Variants in TAF3 observed in about 807,000 individuals in gnomAD.
TAF3 encodes TATA-box binding protein associated factor 3.
Under a neutral mutation model 80.6 loss-of-function variants are expected in TAF3, and 7 were observed. The ratio of observed to expected loss-of-function variants is 0.09; its 90% CI spans 0.05 to 0.16. The LOEUF (loss-of-function observed/expected upper bound fraction) is 0.16, where lower values mean the gene tolerates loss of function less well. Ranked by LOEUF, TAF3 falls within the 10% of genes least tolerant of loss-of-function variation. TAF3 has a pLI of 1.00. For missense variants in TAF3, 921 were observed against 1,140.2 expected (o/e 0.81, Z 2.77); for synonymous variants, 444 against 446.1 (o/e 1.00, Z 0.06).
At chr10:7,879,999 C>G (rs1466721905) in intron 2 of TAF3, among the ~76,000 whole-genome samples, 1 of 152,078 alleles carries the variant, frequency 6.6e-6, no homozygotes, top group Non-Finnish European at 1.5e-5. Context: ...CACTTGAGCC[C>G]AGAAGTTTGA....
At chr10:7,826,330 T>G (rs1836740486) in intron 2 of TAF3, among the ~76,000 whole-genome samples, 1 of 152,208 alleles carries the variant, frequency 6.6e-6, no homozygotes, top group South Asian at 2.1e-4. Context: ...TATTCCATAA[T>G]AAAATTCTCT....
At chr10:7,955,745 T>C (rs1838128923) in intron 2 of TAF3, among the ~76,000 whole-genome samples, 2 of 152,234 alleles carry the variant, frequency 1.3e-5, no homozygotes, top group Non-Finnish European at 2.9e-5. Context: ...TGTCAGACCT[T>C]ATTGCCTTGT....
rs1838111205 is a variant in TAF3, at chr10:7,954,118, G to A, written c.410-9802G>A. ...GTGAGATTTAGAGTGCACTCCATAG[G>A]TGAATGAATGAATTAGTCCCAGTTA... On this transcript the variant is annotated intron_variant, in intron 2 of 6. Coordinates refer to ENST00000344293, the MANE Select transcript of TAF3 (RefSeq NM_031923.4). 2.2e-5 allele frequency among the ~76,000 whole-genome samples: 3 copies of A among 138,008 alleles called. 1 individual carries two copies. Among genetic ancestry groups the A allele is most frequent in the African/African-American group, 7.8e-5 (3 of 38,340 alleles). 90.5% of individuals were successfully genotyped at this position (138,008 alleles called of 152,430 possible).
At chr10:7,991,769 T>C (rs1361620908) in intron 4 of TAF3, among the ~76,000 whole-genome samples, 1 of 152,208 alleles carries the variant, frequency 6.6e-6, no homozygotes, top group African/African-American at 2.4e-5. Context: ...AGCATGGTGA[T>C]TTTGGTGAAG....
chr10:7,894,419 AGTTAG>A (rs1426834628), intron 2 of TAF3, among the ~76,000 whole-genome samples: 1 of 152,206 alleles, frequency 6.6e-6, no homozygotes, highest in Non-Finnish European at 1.5e-5. Flanking sequence ...GGTTTGGAGA[AGTTAG>A]GTCACTGGTG....
At chr10:7,956,846 GGTT>G (rs1392589329) in intron 2 of TAF3, among the ~76,000 whole-genome samples, 3 of 152,120 alleles carry the variant, frequency 2.0e-5, no homozygotes, top group Non-Finnish European at 4.4e-5. Flanking sequence ...GAAAAAATAG[GGTT>G]GTTAAGAGGG....
At chr10:7,954,723 C>G (rs1838118508) in intron 2 of TAF3, among the ~76,000 whole-genome samples, 1 of 139,924 alleles carries the variant, frequency 7.1e-6, no homozygotes, top group South Asian at 2.6e-4. Context: ...AGAGTGCACT[C>G]CATAGGTGAA....
chr10:7,986,637 C>T (rs1274776263), intron 4 of TAF3, among the ~76,000 whole-genome samples: 2 of 152,316 alleles, frequency 1.3e-5, no homozygotes, highest in East Asian at 3.9e-4. Context: ...CTTGGACTCT[C>T]AGCATCTTGT....
At position 8,013,793 on chromosome 10, in the gene TAF3, G is replaced by A. The variant is rs759030330; in HGVS notation, c.2631G>A (p.Gly877=). ...ICPGCNKPDD[G]SPMIGCDDCD... ...CTGGGTGTAACAAGCCTGACGATGG[G>A]AGTCCCATGATTGGGTGTGACGACT... is the stretch of plus-strand genomic sequence containing the variant. Residue 877 remains glycine (G), a synonymous_variant, in exon 6 of 7, where the codon GGG becomes GGA. Coordinates refer to ENST00000344293, the MANE Select transcript of TAF3 (RefSeq NM_031923.4). 3.5e-5 allele frequency: 57 copies of A among 1,614,020 alleles called. No homozygotes were observed. The highest frequency in any genetic ancestry group is 4.7e-5 in the Non-Finnish European group (55 of 1,180,034).
chr10:7,957,442 T>TTTGAGATA (rs1838146685), intron 2 of TAF3, among the ~76,000 whole-genome samples: 2 of 152,168 alleles, frequency 1.3e-5, no homozygotes, highest in Non-Finnish European at 2.9e-5. Flanking sequence ...AAGGTTAACT[T>TTTGAGATA]TCCAAGGCAT....
At position 7,893,591 on chromosome 10, in the gene TAF3, G is replaced by A. The variant is rs532452454; in HGVS notation, c.409+69031G>A. 2.6e-5 allele frequency among the ~76,000 whole-genome samples: 4 copies of A among 152,210 alleles called. No homozygotes were observed. In the East Asian group the frequency reaches 7.7e-4, roughly 29 times the overall value. The stretch of plus-strand genomic sequence containing the variant: ...GCTGTAGCTAGTTGCTCCACCTCAT[G>A]TTTTGTCCCATCTTTTTCACTCCCG... On this transcript the variant is annotated intron_variant, in intron 2 of 6. Coordinates refer to ENST00000344293, the MANE Select transcript of TAF3 (RefSeq NM_031923.4).
At chr10:7,936,225 A>G (rs1837919245) in intron 2 of TAF3, among the ~76,000 whole-genome samples, 1 of 152,176 alleles carries the variant, frequency 6.6e-6, no homozygotes, top group African/African-American at 2.4e-5. Context: ...CACAGTAACA[A>G]TATTTTCCTG....
At chr10:7,944,728 A>G (rs1331592287) in intron 2 of TAF3, among the ~76,000 whole-genome samples, 1 of 152,230 alleles carries the variant, frequency 6.6e-6, no homozygotes, top group East Asian at 1.9e-4. Context: ...CTTCCAGGGT[A>G]TAGAAGAATT....
In TAF3 at chr10:8,009,081, C is replaced by T. The variant is rs1564382920; in HGVS notation, c.2319C>T (p.Val773=). Residue 773 remains valine (V), a synonymous_variant, in exon 5 of 7, where the codon GTC becomes GTT. Coordinates refer to ENST00000344293, the MANE Select transcript of TAF3 (RefSeq NM_031923.4). The surrounding 1 kb of genome is among the most constrained non-coding windows in gnomAD (Gnocchi z 4.1). ...LRVGAGQDKI[V]ISKVVPAPEA... ...CCTTCTCTTCTTTTGTTGACAGTGT[C>T]ATCAGCAAGGTGGTCCCTGCCCCCG... The T allele has an allele frequency of 6.2e-7, 1 of 1,601,512 alleles. No individual in the cohort carries two copies. Among genetic ancestry groups the T allele is most frequent in the Non-Finnish European group, 8.5e-7 (1 of 1,174,788 alleles).
intron 4 of TAF3, among the ~76,000 whole-genome samples, chr10:7,994,355 A>G (rs1490888381): frequency 6.6e-6 from 1 of 152,100 alleles, no homozygotes; most frequent in African/African-American, 2.4e-5. Context: ...AGGAATCATA[A>G]TCTGTCACTA....
intron 2 of TAF3, among the ~76,000 whole-genome samples, chr10:7,945,421 C>A (rs1446430941): frequency 2.6e-5 from 4 of 152,142 alleles, no homozygotes; most frequent in African/African-American, 9.7e-5. Context: ...GTTTGACTTA[C>A]CTAATTTATC....
chr10:7,828,408 G>A (rs1836764974), intron 2 of TAF3, among the ~76,000 whole-genome samples: 1 of 152,116 alleles, frequency 6.6e-6, no homozygotes, highest in South Asian at 2.1e-4. Flanking sequence ...AGGAGTTATT[G>A]CCTGCTTTAT....
chr10:7,958,371 CT>C (rs1838157065), intron 2 of TAF3, among the ~76,000 whole-genome samples: 1 of 152,004 alleles, frequency 6.6e-6, no homozygotes, highest in African/African-American at 2.4e-5. Flanking sequence ...AAGTCGAAAA[CT>C]TTTTTACCAG....
chr10:7,826,513 G>T (rs1280841976), intron 2 of TAF3, among the ~76,000 whole-genome samples: 3 of 151,378 alleles, frequency 2.0e-5, no homozygotes, highest in African/African-American at 7.3e-5. Context: ...ATAGATTTTT[G>T]GGTTTCTTTT....
Sources: gnomAD v4.1 joint callset for allele counts (sites outside exome capture counted in the v4.1 genomes callset) on GRCh38, gnomAD v4.1.1 for gene constraint, Gnocchi (gnomAD v3.1) non-coding constraint, MANE v1.5 for transcripts, NCBI Gene and HGNC (gene_info 2026-07-23, HGNC 2026-07-21) for gene names.